The following SPPL3 variants were observed in gnomAD, a reference collection of about 807,000 sequenced individuals.
The protein encoded by SPPL3 is signal peptide peptidase like 3.
Under a neutral mutation model 42.4 loss-of-function variants are expected in SPPL3, and 5 were observed. The ratio of observed to expected loss-of-function variants is 0.12; its 90% CI spans 0.06 to 0.25. SPPL3 has a LOEUF of 0.25. Ranked by LOEUF, SPPL3 falls within the 10% of genes least tolerant of loss-of-function variation. SPPL3 has a pLI of 1.00. For missense variants in SPPL3, 235 were observed against 489.0 expected (o/e 0.48, Z 4.90); for synonymous variants, 195 against 181.8 (o/e 1.07, Z -0.58).
intron 1 of SPPL3, chr12:120,902,001 A>C (rs1329420194): frequency 1.2e-6 from 1 of 855,196 alleles, no homozygotes; most frequent in Non-Finnish European, 1.4e-6. Context: ...TCAGGGCCAC[A>C]GCCATTAGGG....
chr12:120,897,337 T>C (rs1180681253), intron 1 of SPPL3, among the ~76,000 whole-genome samples: 1 of 152,234 alleles, frequency 6.6e-6, no homozygotes, highest in Non-Finnish European at 1.5e-5. Flanking sequence ...TATAAATTCA[T>C]GGGGTTAACT....
At chr12:120,788,485 A>G (rs1566042093) in intron 3 of SPPL3, among the ~76,000 whole-genome samples, 1 of 152,200 alleles carries the variant, frequency 6.6e-6, no homozygotes, top group Non-Finnish European at 1.5e-5. Flanking sequence ...CATGAGTCAC[A>G]TGGCCCATCT....
intron 1 of SPPL3, among the ~76,000 whole-genome samples, chr12:120,824,195 C>T (rs570642168): frequency 3.3e-5 from 5 of 151,942 alleles, no homozygotes; most frequent in African/African-American, 7.3e-5. Context: ...AAGAATGGCA[C>T]GAAGAATTGT....
At chr12:120,883,031 G>A (rs542703964) in intron 1 of SPPL3, among the ~76,000 whole-genome samples, 2 of 152,180 alleles carry the variant, frequency 1.3e-5, no homozygotes, top group African/African-American at 2.4e-5. Context: ...GAGGCCGGGC[G>A]TGGTGGCTCA....
Position 120,904,225 on chromosome 12 carries a change from G to A in SPPL3, c.-358C>T. ...AGACGGGCCCGCGCTCACTGCGCGCGGGGCCGCGGGAGCGCCGCGCTCGGG... is the reference window on the plus strand; with the variant it reads ...AGACGGGCCCGCGCTCACTGCGCGCAGGGCCGCGGGAGCGCCGCGCTCGGG... On this transcript the variant is annotated 5_prime_UTR_variant, in exon 1 of 11. Coordinates refer to ENST00000353487, the MANE Select transcript of SPPL3 (RefSeq NM_139015.5). 1 of 207,504 alleles carries A rather than the reference G, an allele frequency of 4.8e-6. No individual in the cohort carries two copies. Among genetic ancestry groups the A allele is most frequent in the Non-Finnish European group, 9.4e-6 (1 of 106,226 alleles). The allele number at this position is 207,504 out of a possible 1,614,324, so 12.9% of individuals were successfully genotyped here.
At position 120,763,784 on chromosome 12, in the gene SPPL3, G is replaced by A. The variant is rs1190682031; in HGVS notation, c.*1215C>T. The A allele has an allele frequency of 1.4e-5, 2 of 147,550 alleles. No homozygotes were observed. The highest frequency in any genetic ancestry group is 4.0e-4 in the East Asian group (2 of 5,026). 9.1% of individuals were successfully genotyped at this position (147,550 alleles called of 1,614,324 possible). A position where few individuals can be genotyped will look rare whatever the true frequency, so the allele number is the denominator to read the frequency against. ...ACCAAGACTATAATCACAACAGCAA[G>A]GACAGGATTGTGTTGCTTTTTTCCT... On this transcript the variant is annotated 3_prime_UTR_variant, in exon 11 of 11. Transcript: ENST00000353487.
At chr12:120,825,985 A>C (rs186070804) in intron 1 of SPPL3, among the ~76,000 whole-genome samples, 36,926 of 151,874 alleles carry the variant, frequency 0.24, 5,567 homozygotes, top group Non-Finnish European at 0.35. Flanking sequence ...CTCACTGGTC[A>C]AGAGAATGAA....
intron 1 of SPPL3, among the ~76,000 whole-genome samples, chr12:120,879,747 T>C (rs1873222458): frequency 1.3e-5 from 2 of 152,098 alleles, no homozygotes; most frequent in South Asian, 2.1e-4. Context: ...GGGTAAGTAA[T>C]CAGTTTTTCA....
chr12:120,862,173 A>C (rs1470208821), intron 1 of SPPL3, among the ~76,000 whole-genome samples: 3 of 152,186 alleles, frequency 2.0e-5, no homozygotes, highest in African/African-American at 7.2e-5. Flanking sequence ...GTGAATATGA[A>C]AAATATTTAT....
At chr12:120,806,971 G>A (rs868806402) in intron 2 of SPPL3, among the ~76,000 whole-genome samples, 3 of 151,924 alleles carry the variant, frequency 2.0e-5, no homozygotes, top group South Asian at 2.1e-4. Context: ...TCCATAAAAC[G>A]TGAAATTGGT....
intron 6 of SPPL3, among the ~76,000 whole-genome samples, chr12:120,771,977 G>T (rs971463236): frequency 3.3e-5 from 5 of 152,228 alleles, no homozygotes; most frequent in Admixed American, 6.5e-5. Context: ...CAGGTCAGGA[G>T]TCCTTTCTCA....
intron 1 of SPPL3, among the ~76,000 whole-genome samples, chr12:120,875,628 A>G (rs1165086361): frequency 6.6e-6 from 1 of 151,950 alleles, no homozygotes; most frequent in Admixed American, 6.6e-5. Context: ...CCATTTCAAA[A>G]AAAAAAAAAA....
In SPPL3 at chr12:120,811,748, C is replaced by T. The variant is rs561838385; in HGVS notation, c.24-862G>A. ...TATTTAATACTGCTTACATGCCAGGCACTCTGCTAGCCACTGGGATATACA... is the reference window on the plus strand; with the variant it reads ...TATTTAATACTGCTTACATGCCAGGTACTCTGCTAGCCACTGGGATATACA... On this transcript the variant is annotated intron_variant, in intron 1 of 10. Transcript: ENST00000353487. Among the ~76,000 whole-genome samples, 3 of 152,270 alleles carry T rather than the reference C, an allele frequency of 2.0e-5. No homozygotes were observed. The South Asian group carries it at 6.2e-4, about 32-fold the overall frequency.
rs1872179795 is a variant in SPPL3 at position 120,850,354 on chromosome 12, A to G, written c.24-39468T>C. Among the ~76,000 whole-genome samples the G allele has an allele frequency of 2.0e-5, 3 of 152,096 alleles. No homozygotes were observed. In the South Asian group the frequency reaches 6.2e-4, roughly 32 times the overall value. On this transcript the variant is annotated intron_variant, in intron 1 of 10. Coordinates refer to ENST00000353487, the MANE Select transcript of SPPL3 (RefSeq NM_139015.5). The stretch of plus-strand genomic sequence containing the variant: ...CCAAAGTAAATCTCAACATGTCTAC[A>G]CCACAGAAGTTTATGCCGCATTGTA...
At chr12:120,880,181 G>A (rs74567788) in intron 1 of SPPL3, among the ~76,000 whole-genome samples, 1,679 of 151,428 alleles carry the variant, frequency 0.011, 9 homozygotes, top group Non-Finnish European at 0.016. Context: ...GCCAGATAAC[G>A]AATCTCAGCG....
intron 1 of SPPL3, among the ~76,000 whole-genome samples, chr12:120,898,353 A>G (rs1261576256): frequency 7.1e-6 from 1 of 141,654 alleles, no homozygotes; most frequent in East Asian, 2.2e-4. Context: ...AGCACAGAGC[A>G]GCCACCTATT....
At chr12:120,765,151 T>C (rs1295704305) in intron 10 of SPPL3, 81 bp from the exon 11 acceptor site, 1 of 1,381,090 alleles carries the variant, frequency 7.2e-7, no homozygotes, top group Non-Finnish European at 9.8e-7. Flanking sequence ...AAAAAAAAAT[T>C]TTTTTTCCAG....
intron 1 of SPPL3, among the ~76,000 whole-genome samples, chr12:120,823,770 T>A (rs545536577): frequency 3.4e-4 from 52 of 152,314 alleles, no homozygotes; most frequent in African/African-American, 1.1e-3. Context: ...CCCATTATGA[T>A]CCCCATTTTG....
intron 1 of SPPL3, among the ~76,000 whole-genome samples, chr12:120,884,682 T>G (rs1186569411): frequency 1.3e-5 from 2 of 151,992 alleles, no homozygotes; most frequent in African/African-American, 4.8e-5. Flanking sequence ...TTTGTGTTTA[T>G]CTACACTTTT....
Sources: allele counts gnomAD v4.1 joint callset (sites outside exome capture counted in the v4.1 genomes callset), GRCh38; gene constraint gnomAD v4.1.1; transcripts MANE v1.5; gene names NCBI Gene and HGNC (gene_info 2026-07-23, HGNC 2026-07-21).